Variants in GPC6 observed in about 807,000 individuals in gnomAD.
GPC6 encodes the protein glypican 6, also known as glypican-6.
Under a neutral mutation model 55.2 loss-of-function variants are expected in GPC6, and 14 were observed. The observed-to-expected ratio is 0.25, with a 90% CI of 0.17 to 0.40. The LOEUF (loss-of-function observed/expected upper bound fraction) is 0.40, where lower values mean the gene tolerates loss of function less well. GPC6 is among the 10% of genes least tolerant of loss of function. The probability of loss-of-function intolerance (pLI) is 1.00; values close to 1 mark genes in which losing one functional copy is unlikely to be tolerated. For synonymous variants in GPC6, 278 were observed against 259.6 expected (o/e 1.07, Z -0.68); for missense variants, 641 against 708.5 (o/e 0.90, Z 1.08).
intron 3 of GPC6, among the ~76,000 whole-genome samples, chr13:93,866,452 A>G (rs1164728622): frequency 6.6e-6 from 1 of 151,832 alleles, no homozygotes; most frequent in African/African-American, 2.4e-5. Flanking sequence ...GCAATAGCAA[A>G]GACATGGAAT....
chr13:93,992,984 G>A (rs1474101448), intron 3 of GPC6, among the ~76,000 whole-genome samples: 2 of 141,356 alleles, frequency 1.4e-5, no homozygotes, highest in Non-Finnish European at 3.1e-5. Context: ...TCATGAAGAT[G>A]ATCACATCTG....
intron 4 of GPC6, among the ~76,000 whole-genome samples, chr13:94,264,810 C>T (rs1891748402): frequency 6.6e-6 from 1 of 152,222 alleles, no homozygotes; most frequent in East Asian, 1.9e-4. Flanking sequence ...GTTTAATAGA[C>T]TCACAGTTCC....
intron 3 of GPC6, among the ~76,000 whole-genome samples, chr13:93,918,074 G>A (rs1877381264): frequency 6.7e-6 from 1 of 149,134 alleles, no homozygotes; most frequent in South Asian, 2.2e-4. Context: ...TTCATCCTGG[G>A]TGACATAGAG....
intron 4 of GPC6, among the ~76,000 whole-genome samples, chr13:94,226,944 A>T (rs1206010831): frequency 2.0e-5 from 3 of 152,092 alleles, no homozygotes; most frequent in African/African-American, 7.2e-5. Context: ...CAGTCCCAAG[A>T]CATGGGCTCC....
chr13:94,277,277 G>T (rs1374022953), intron 4 of GPC6, among the ~76,000 whole-genome samples: 6 of 148,544 alleles, frequency 4.0e-5, no homozygotes, highest in South Asian at 4.2e-4. Context: ...TTTTTGATGG[G>T]TTTTTTTTTT....
chr13:94,004,740 C>T (rs906330085), intron 3 of GPC6, among the ~76,000 whole-genome samples: 5 of 152,168 alleles, frequency 3.3e-5, no homozygotes, highest in Admixed American at 6.5e-5. Flanking sequence ...TGTTACAATG[C>T]ATGATGAACT....
At chr13:93,741,867 G>C (rs1884214263) in intron 2 of GPC6, among the ~76,000 whole-genome samples, 1 of 152,008 alleles carries the variant, frequency 6.6e-6, no homozygotes, top group African/African-American at 2.4e-5. Context: ...ATCTTACCTT[G>C]TTGTATCAAA....
In GPC6 at chr13:94,179,920, G is replaced by C. The variant is rs572896407; in HGVS notation, c.878-106429G>C. Among the ~76,000 whole-genome samples the C allele has an allele frequency of 1.3e-3, 204 of 152,266 alleles. 2 individuals are homozygous for C. Among genetic ancestry groups the C allele is most frequent in the South Asian group, 3.5e-3 (17 of 4,826 alleles). On this transcript the variant is annotated intron_variant, in intron 4 of 8. Coordinates refer to ENST00000377047, the MANE Select transcript of GPC6 (RefSeq NM_005708.5). ...ATAGATATTTACAGGAACCTATCAT[G>C]TTGCTATTCGTATTCAAAGAAAAAA...
chr13:93,808,172 A>G (rs1886593696), intron 2 of GPC6, among the ~76,000 whole-genome samples: 1 of 151,996 alleles, frequency 6.6e-6, no homozygotes, highest in African/African-American at 2.4e-5. Flanking sequence ...ATTAATTTAG[A>G]TTAATGGGAT....
chr13:93,653,819 G>T (rs1880534690), intron 2 of GPC6, among the ~76,000 whole-genome samples: 1 of 152,038 alleles, frequency 6.6e-6, no homozygotes, highest in Non-Finnish European at 1.5e-5. Flanking sequence ...AATAAAAATA[G>T]TTTTAGTTAC....
chr13:93,332,193 T>C (rs1879873642), intron 1 of GPC6, among the ~76,000 whole-genome samples: 1 of 152,020 alleles, frequency 6.6e-6, no homozygotes, highest in Non-Finnish European at 1.5e-5. Flanking sequence ...CTTCAACAGG[T>C]GGATTTCCTT....
At chr13:93,846,923 T>A (rs1258127935) in intron 3 of GPC6, among the ~76,000 whole-genome samples, 1 of 152,212 alleles carries the variant, frequency 6.6e-6, no homozygotes, top group African/African-American at 2.4e-5. Context: ...TATTCTCATA[T>A]TTAAGATAAG....
chr13:93,421,463 C>G (rs1333124735), intron 1 of GPC6, among the ~76,000 whole-genome samples: 1 of 152,120 alleles, frequency 6.6e-6, no homozygotes, highest in Non-Finnish European at 1.5e-5. Flanking sequence ...TTTCTGCTCA[C>G]TACTTTACTA....
chr13:94,359,421 T>C (rs1366147454), intron 6 of GPC6, among the ~76,000 whole-genome samples: 3 of 152,040 alleles, frequency 2.0e-5, no homozygotes, highest in Non-Finnish European at 4.4e-5. Context: ...AAAAATAATA[T>C]CAGTGAATTT....
chr13:93,443,383 A>T (rs1877877205), intron 1 of GPC6, among the ~76,000 whole-genome samples: 1 of 152,214 alleles, frequency 6.6e-6, no homozygotes, highest in Non-Finnish European at 1.5e-5. Context: ...TAGCTGAACG[A>T]GGAGTCTGGC....
intron 1 of GPC6, among the ~76,000 whole-genome samples, chr13:93,483,102 A>G (rs957902975): frequency 3.5e-4 from 53 of 152,318 alleles, no homozygotes; most frequent in African/African-American, 1.1e-3. Context: ...TGCATGTTAC[A>G]ATACTGGCAA....
chr13:93,719,263 C>T (rs529682035), intron 2 of GPC6, among the ~76,000 whole-genome samples: 1 of 152,108 alleles, frequency 6.6e-6, no homozygotes, highest in Admixed American at 6.6e-5. Flanking sequence ...TTTCCTTGAG[C>T]AGTGGTTTGT....
intron 1 of GPC6, among the ~76,000 whole-genome samples, chr13:93,418,631 C>T (rs970706412): frequency 1.3e-5 from 2 of 150,928 alleles, no homozygotes; most frequent in Non-Finnish European, 3.0e-5. Flanking sequence ...ATTAATAGCG[C>T]TATACCGTAG....
At chr13:93,279,011 C>T (rs935492085) in intron 1 of GPC6, among the ~76,000 whole-genome samples, 20 of 152,218 alleles carry the variant, frequency 1.3e-4, no homozygotes, top group Non-Finnish European at 2.4e-4. Flanking sequence ...TTAAAAAAGA[C>T]GAAATATGAT....
Sources: gnomAD v4.1 joint callset for allele counts (sites outside exome capture counted in the v4.1 genomes callset) on GRCh38, gnomAD v4.1.1 for gene constraint, MANE v1.5 for transcripts, NCBI Gene and HGNC (gene_info 2026-07-23, HGNC 2026-07-21) for gene names.